PEX14: variants seen among roughly 807,000 people sequenced by gnomAD.
PEX14 encodes peroxisomal membrane protein PEX14.
A neutral mutation model predicts 49.5 loss-of-function variants in PEX14; 15 were observed. That is an observed-to-expected ratio of 0.30 (90% CI 0.20 to 0.47). The LOEUF is 0.47. Ranked by LOEUF, PEX14 falls within the 20% of genes least tolerant of loss-of-function variation. PEX14 has a pLI of 1.00. For synonymous variants in PEX14, 210 were observed against 212.7 expected (o/e 0.99, Z 0.11); for missense variants, 398 against 494.8 (o/e 0.80, Z 1.86).
chr1:10,555,079 G>A (rs558173354), intron 3 of PEX14, among the ~76,000 whole-genome samples: 2 of 152,064 alleles, frequency 1.3e-5, no homozygotes, highest in South Asian at 4.2e-4. Flanking sequence ...TGGCCATCGC[G>A]GGAACACATC....
chr1:10,480,647 C>T (rs551224671), intron 1 of PEX14, among the ~76,000 whole-genome samples: 66 of 152,154 alleles, frequency 4.3e-4, no homozygotes, highest in Admixed American at 6.6e-4. Context: ...CCACCTGCCT[C>T]GGCCTCCCAC....
rs1640861262 is a variant in PEX14, at chr1:10,597,480, G to T, written c.170-1758G>T. 6.6e-6 allele frequency among the ~76,000 whole-genome samples: 1 copy of T among 152,190 alleles called. No individual in the cohort carries two copies. Among genetic ancestry groups the T allele is most frequent in the Admixed American group, 6.5e-5 (1 of 15,276 alleles). On this transcript the variant is annotated intron_variant, in intron 3 of 8. Transcript: ENST00000356607. The surrounding 1 kb of genome is among the most constrained non-coding windows in gnomAD (Gnocchi z 5.7). ...CTGTTGTTGCCTGGCTTGCCTGTTG[G>T]TCCTGTCCCTGTTCTTCTTGGAAGG...
At chr1:10,603,305 A>T (rs1641038019) in intron 4 of PEX14, among the ~76,000 whole-genome samples, 1 of 152,244 alleles carries the variant, frequency 6.6e-6, no homozygotes, top group African/African-American at 2.4e-5. Context: ...GGGAAAGATA[A>T]GATAAACTCT....
At chr1:10,516,962 T>C (rs1318234282) in intron 2 of PEX14, 2 of 152,258 alleles carry the variant, frequency 1.3e-5, no homozygotes, top group Non-Finnish European at 2.9e-5. Context: ...GGCAGAGCCT[T>C]TCTTTGCAGT....
chr1:10,505,890 A>C (rs1755592), intron 2 of PEX14, among the ~76,000 whole-genome samples: 62,752 of 151,970 alleles, frequency 0.41, 13,836 homozygotes, highest in Non-Finnish European at 0.51. Context: ...CATGTTGGCC[A>C]GGCTGGTCTT....
At chr1:10,590,011 C>T (rs59790639) in intron 3 of PEX14, among the ~76,000 whole-genome samples, 14,886 of 152,254 alleles carry the variant, frequency 0.098, 888 homozygotes, top group East Asian at 0.21. Flanking sequence ...ATTCCACCCC[C>T]GCCCCATGCT....
At chr1:10,493,067 G>C (rs1185540458) in intron 1 of PEX14, among the ~76,000 whole-genome samples, 4 of 152,196 alleles carry the variant, frequency 2.6e-5, no homozygotes, top group African/African-American at 9.7e-5. Context: ...CAGTGACAGA[G>C]AAAGCAAAGG....
intron 2 of PEX14, among the ~76,000 whole-genome samples, chr1:10,516,784 G>A (rs1422640015): frequency 2.0e-5 from 3 of 152,198 alleles, no homozygotes; most frequent in Admixed American, 1.3e-4. Flanking sequence ...AAAACTGGTC[G>A]TCAGGTATTG....
At chr1:10,508,342 G>T (rs1641823810) in intron 2 of PEX14, among the ~76,000 whole-genome samples, 1 of 152,154 alleles carries the variant, frequency 6.6e-6, no homozygotes, top group Non-Finnish European at 1.5e-5. Flanking sequence ...GAGTAGCTGG[G>T]ACTACAGGCG....
At chr1:10,550,296 A>T (rs984564383) in intron 3 of PEX14, among the ~76,000 whole-genome samples, 1 of 152,120 alleles carries the variant, frequency 6.6e-6, no homozygotes, top group Non-Finnish European at 1.5e-5. Flanking sequence ...TGATCTAGGA[A>T]CTCCTGCAGC....
intron 3 of PEX14, among the ~76,000 whole-genome samples, chr1:10,592,083 C>G (rs917024286): frequency 6.6e-5 from 10 of 152,314 alleles, no homozygotes; most frequent in South Asian, 2.1e-4. Context: ...TTCATGACCT[C>G]TTCTGAAAAC....
chr1:10,479,555 G>A (rs1041542459), intron 1 of PEX14, among the ~76,000 whole-genome samples: 4 of 152,110 alleles, frequency 2.6e-5, no homozygotes, highest in Non-Finnish European at 4.4e-5. Context: ...TTCTTCCTTC[G>A]CTGAACAGCA....
intron 1 of PEX14, among the ~76,000 whole-genome samples, chr1:10,492,524 C>T (rs1192915333): frequency 6.6e-6 from 1 of 152,038 alleles, no homozygotes; most frequent in Admixed American, 6.6e-5. Flanking sequence ...AGTTATTTAA[C>T]CTCTTTTGCC....
intron 2 of PEX14, among the ~76,000 whole-genome samples, chr1:10,504,264 T>C (rs941170384): frequency 9.9e-5 from 15 of 152,196 alleles, no homozygotes; most frequent in Admixed American, 9.8e-4. Flanking sequence ...TTTATGCTTG[T>C]TGCTCCACAA....
intron 1 of PEX14, among the ~76,000 whole-genome samples, chr1:10,491,354 T>G (rs1641469294): frequency 6.6e-6 from 1 of 152,106 alleles, no homozygotes; most frequent in African/African-American, 2.4e-5. Context: ...TGTTTCAAAT[T>G]CCATGGTAGG....
rs192913887 is a variant in PEX14 at position 10,526,420 on chromosome 1, T to C, written c.85-9793T>C. 5.6e-3 allele frequency among the ~76,000 whole-genome samples: 853 copies of C among 152,202 alleles called. 5 individuals carry two copies. Among genetic ancestry groups the C allele is most frequent in the African/African-American group, 0.019 (805 of 41,530 alleles). ...TTTTATTACAGACGGTGTTTCACCA[T>C]GTTGGTCAGGCTGGTCTCAAACTCC... On this transcript the variant is annotated intron_variant, in intron 2 of 8. Coordinates refer to ENST00000356607, the MANE Select transcript of PEX14 (RefSeq NM_004565.3).
intron 2 of PEX14, among the ~76,000 whole-genome samples, chr1:10,511,148 C>G (rs1169873072): frequency 6.6e-6 from 1 of 152,230 alleles, no homozygotes; most frequent in African/African-American, 2.4e-5. Context: ...CCAGATGACT[C>G]ACCATTCTAT....
At chr1:10,624,760 T>C (rs1190430307) in intron 7 of PEX14, among the ~76,000 whole-genome samples, 1 of 152,190 alleles carries the variant, frequency 6.6e-6, no homozygotes. Flanking sequence ...GCTTTCTGTG[T>C]AGACATGGGA....
chr1:10,539,446 A>G lies in PEX14; in HGVS notation c.169+3149A>G, dbSNP rs1638937409. 6.6e-6 allele frequency among the ~76,000 whole-genome samples: 1 copy of G among 152,184 alleles called. No homozygotes were observed. Among genetic ancestry groups the G allele is most frequent in the Non-Finnish European group, 1.5e-5 (1 of 68,022 alleles). On this transcript the variant is annotated intron_variant, in intron 3 of 8. Transcript: ENST00000356607. The surrounding 1 kb of genome is among the most constrained non-coding windows in gnomAD (Gnocchi z 4.6). ...TATCGGGAATATTTTGGATGAAAGA[A>G]AAAAGCAGCTGCTCACCTTCAGAGT... is the stretch of plus-strand genomic sequence containing the variant.
Sources: allele counts gnomAD v4.1 joint callset (sites outside exome capture counted in the v4.1 genomes callset), GRCh38; gene constraint gnomAD v4.1.1; non-coding constraint Gnocchi (gnomAD v3.1); transcripts MANE v1.5; gene names NCBI Gene and HGNC (gene_info 2026-07-23, HGNC 2026-07-21).